TMEM50A: variants seen among roughly 807,000 people sequenced by gnomAD.
The protein encoded by TMEM50A is transmembrane protein 50A.
TMEM50A carries 8 observed loss-of-function variants against 23.9 expected under a neutral mutation model. That is an observed-to-expected ratio of 0.33 (90% CI 0.20 to 0.60). The LOEUF (loss-of-function observed/expected upper bound fraction) is 0.60. TMEM50A is among the 20% of genes least tolerant of loss of function. TMEM50A has a pLI of 0.81. For missense variants in TMEM50A, 178 were observed against 192.7 expected (o/e 0.92, Z 0.45); for synonymous variants, 55 against 60.4 (o/e 0.91, Z 0.41).
intron 1 of TMEM50A, 78 bp from the exon 2 acceptor site, chr1:25,340,396 T>G: frequency 7.8e-6 from 7 of 894,058 alleles, no homozygotes; most frequent in African/African-American, 1.7e-5. Context: ...TAATTATTCC[T>G]GAGCTATTAA....
Position 25,339,009 on chromosome 1 carries a change from C to A in TMEM50A, c.-14+553C>A, listed in dbSNP as rs923787107. On this transcript the variant is annotated intron_variant, in intron 1 of 6. Coordinates refer to ENST00000374358, the MANE Select transcript of TMEM50A (RefSeq NM_014313.4). The stretch of plus-strand genomic sequence containing the variant: ...GGGGAAGAATCAAATGAGTGAATTT[C>A]CTAAATTGAACTTGTCCCAAAGGCA... 2.0e-5 allele frequency among the ~76,000 whole-genome samples: 3 copies of A among 152,142 alleles called. No individual in the cohort carries two copies. In the East Asian group the frequency reaches 5.8e-4, roughly 29 times the overall value.
chr1:25,349,102 C>T (rs575813392), intron 3 of TMEM50A, among the ~76,000 whole-genome samples: 1 of 152,272 alleles, frequency 6.6e-6, no homozygotes, highest in South Asian at 2.1e-4. Context: ...AGAGGCTGTC[C>T]AGATGGGGCA....
rs531458898 is a variant in TMEM50A, at chr1:25,356,519, A to T, written c.368-274A>T. 4.0e-3 allele frequency among the ~76,000 whole-genome samples: 606 copies of T among 152,230 alleles called. 2 individuals carry two copies. The highest frequency in any genetic ancestry group is 5.8e-3 in the Non-Finnish European group (391 of 67,994). ...CTCTAGTTCCATGAGGGCAAAAAAA[A>T]TTTTACCTGTTTTGTTTATTGCAGT... On this transcript the variant is annotated intron_variant, in intron 5 of 6. Transcript: ENST00000374358.
At position 25,340,551 on chromosome 1, in the gene TMEM50A, C is replaced by G. The variant is rs1201382693; in HGVS notation, c.65C>G (p.Thr22Ser). 3 of 1,613,602 alleles carry G rather than the reference C, an allele frequency of 1.9e-6. No homozygotes were observed. Among genetic ancestry groups the G allele is most frequent in the Non-Finnish European group, 2.5e-6 (3 of 1,179,866 alleles). ...ECIDWGEKRN[T>S]IASIAAGVLF... Reference sequence around the variant, plus strand: ...ATTGACTGGGGGGAAAAGCGCAATACTATTGCTTCCATTGCTGCTGGTGTA... The same window carrying G: ...ATTGACTGGGGGGAAAAGCGCAATAGTATTGCTTCCATTGCTGCTGGTGTA... The change falls in exon 2 of 7, where the codon ACT becomes AGT. Residue 22 changes from threonine to serine, a missense_variant. Physicochemically the swap from Thr to Ser is moderately conservative, Grantham distance 58. Coordinates refer to ENST00000374358, the MANE Select transcript of TMEM50A (RefSeq NM_014313.4).
chr1:25,358,759 T>G (rs1645362666), intron 6 of TMEM50A, among the ~76,000 whole-genome samples: 1 of 152,222 alleles, frequency 6.6e-6, no homozygotes, highest in South Asian at 2.1e-4. Context: ...AGTTCATATC[T>G]TGTGACGAGT....
chr1:25,362,310 C>T lies in TMEM50A; in HGVS notation c.*1605C>T. 9.5e-7 allele frequency: 1 copy of T among 1,051,498 alleles called. No homozygotes were observed. The highest frequency in any genetic ancestry group is 1.4e-6 in the Non-Finnish European group (1 of 726,506). The allele number at this position is 1,051,498 out of a possible 1,614,324, so 65.1% of individuals were successfully genotyped here. ...CCAAGAAAATATTGATAGCATCATC[C>T]TAATGAAACTAAACATTTATTTTAA... On this transcript the variant is annotated 3_prime_UTR_variant, in exon 7 of 7. Coordinates refer to ENST00000374358, the MANE Select transcript of TMEM50A (RefSeq NM_014313.4).
chr1:25,354,422 G>C (rs1645311464), intron 5 of TMEM50A, among the ~76,000 whole-genome samples: 1 of 152,080 alleles, frequency 6.6e-6, no homozygotes, highest in Non-Finnish European at 1.5e-5. Context: ...AGACCAGCTT[G>C]GACAACATAG....
At chr1:25,338,848 C>G (rs893153963) in intron 1 of TMEM50A, 3 of 152,194 alleles carry the variant, frequency 2.0e-5, no homozygotes, top group Non-Finnish European at 4.4e-5. Flanking sequence ...CGGCGTCCCT[C>G]GAGACCTAAA....
intron 3 of TMEM50A, among the ~76,000 whole-genome samples, chr1:25,346,975 C>T (rs1056890521): frequency 1.2e-4 from 19 of 152,220 alleles, no homozygotes; most frequent in African/African-American, 4.3e-4. Flanking sequence ...GCCAAGATCA[C>T]GGCACTGGAT....
chr1:25,346,562 T>C (rs1365618696), intron 3 of TMEM50A, among the ~76,000 whole-genome samples: 4 of 152,098 alleles, frequency 2.6e-5, no homozygotes, highest in African/African-American at 9.7e-5. Context: ...CACCCAGCTA[T>C]TTTTTAAACA....
chr1:25,343,595 ATTATG>A (rs1179727772), intron 3 of TMEM50A, among the ~76,000 whole-genome samples: 2 of 152,090 alleles, frequency 1.3e-5, no homozygotes, highest in South Asian at 2.1e-4. Flanking sequence ...AGGGTGTCTC[ATTATG>A]TTGCTCAGGT....
At chr1:25,352,804 TGGG>T in intron 4 of TMEM50A, 75 bp from the exon 5 acceptor site, 2 of 1,367,142 alleles carry the variant, frequency 1.5e-6, no homozygotes, top group Non-Finnish European at 2.0e-6. Flanking sequence ...TTTTTCTGTT[TGGG>T]TTTTATTTTC....
intron 5 of TMEM50A, among the ~76,000 whole-genome samples, chr1:25,356,310 G>A (rs926629521): frequency 1.3e-5 from 2 of 152,078 alleles, no homozygotes; most frequent in Non-Finnish European, 2.9e-5. Context: ...GTGCCTACGT[G>A]GCTGTTCCTG....
intron 3 of TMEM50A, among the ~76,000 whole-genome samples, chr1:25,344,959 A>G (rs1353176064): frequency 6.6e-6 from 1 of 151,852 alleles, no homozygotes; most frequent in African/African-American, 2.4e-5. Context: ...TTAATGTATT[A>G]TAACTTCTTT....
chr1:25,350,553 T>G (rs1645265323), intron 3 of TMEM50A, among the ~76,000 whole-genome samples: 2 of 152,068 alleles, frequency 1.3e-5, no homozygotes, highest in African/African-American at 2.4e-5. Context: ...CATGCCCAGC[T>G]AATTTTGTAT....
chr1:25,344,110 C>T (rs1288371780), intron 3 of TMEM50A, among the ~76,000 whole-genome samples: 1 of 152,080 alleles, frequency 6.6e-6, no homozygotes, highest in Non-Finnish European at 1.5e-5. Context: ...GTAGGGCATG[C>T]CTGTGGTCCC....
chr1:25,349,156 C>G (rs1426157608), intron 3 of TMEM50A, among the ~76,000 whole-genome samples: 2 of 152,216 alleles, frequency 1.3e-5, no homozygotes, highest in African/African-American at 4.8e-5. Context: ...GTGCCCAGAA[C>G]AGCTACACCC....
At chr1:25,345,451 G>A (rs1460204750) in intron 3 of TMEM50A, among the ~76,000 whole-genome samples, 3 of 152,138 alleles carry the variant, frequency 2.0e-5, no homozygotes, top group Admixed American at 6.5e-5. Flanking sequence ...ATAGTGGCAC[G>A]TGACTGTGGT....
intron 3 of TMEM50A, 110 bp from the exon 4 acceptor site, chr1:25,351,516 A>C (rs906602628): frequency 7.5e-6 from 7 of 938,980 alleles, no homozygotes; most frequent in Non-Finnish European, 1.1e-5. Flanking sequence ...ATCTTTAAAA[A>C]AAAAAAAAAG....
Sources: gnomAD v4.1 joint callset for allele counts (sites outside exome capture counted in the v4.1 genomes callset) on GRCh38, gnomAD v4.1.1 for gene constraint, MANE v1.5 for transcripts, NCBI Gene and HGNC (gene_info 2026-07-23, HGNC 2026-07-21) for gene names.